Variants in ANKS1B observed in about 807,000 individuals in gnomAD.
ANKS1B encodes ankyrin repeat and sterile alpha motif domain containing 1B.
ANKS1B carries 36 observed loss-of-function variants against 148.3 expected under a neutral mutation model. That is an observed-to-expected ratio of 0.24 (90% CI 0.19 to 0.32). The LOEUF (loss-of-function observed/expected upper bound fraction) is 0.32. ANKS1B is among the 10% of genes least tolerant of loss of function. The pLI is 1.00. For missense variants in ANKS1B, 1,157 were observed against 1,542.6 expected, an observed-to-expected ratio of 0.75 and a Z score of 4.19; for synonymous variants, 542 against 560.8, an observed-to-expected ratio of 0.97 and a Z score of 0.47.
rs560222594 is a variant in ANKS1B, at chr12:99,520,438, C to T, written c.1273-15797G>A. On this transcript the variant is annotated intron_variant, in intron 9 of 26. Coordinates refer to ENST00000683438, the MANE Select transcript of ANKS1B (RefSeq NM_001352186.2). The stretch of plus-strand genomic sequence containing the variant: ...CAGGTTTCTACTAAAAAGTCTGCTG[C>T]CAAACATATTGGAGCTGTTATTTGT... Among the ~76,000 whole-genome samples the T allele has an allele frequency of 2.6e-5, 4 of 152,286 alleles. No individual in the cohort carries two copies. In the East Asian group the frequency reaches 7.7e-4, roughly 29 times the overall value.
intron 9 of ANKS1B, among the ~76,000 whole-genome samples, chr12:99,533,186 G>T (rs539488194): frequency 6.6e-6 from 1 of 152,232 alleles, no homozygotes; most frequent in Non-Finnish European, 1.5e-5. Flanking sequence ...ATTTGTTTGT[G>T]TCATCTATGA....
rs202190023 is a variant in ANKS1B at position 99,606,567 on chromosome 12, AAAG to A, written c.1272+48497_1272+48499del. On this transcript the variant is annotated intron_variant, in intron 9 of 26. Transcript: ENST00000683438. ...TATTTAGCTTCTCTATATCTTATAA[AAAG>A]AAGACGCCAAAGTACATAAACTTAT... is the stretch of plus-strand genomic sequence containing the variant. Among the ~76,000 whole-genome samples the A allele has an allele frequency of 1.4e-4, 21 of 151,376 alleles. No individual in the cohort carries two copies. The East Asian group carries it at 3.7e-3, about 27-fold the overall frequency.
chr12:98,823,165 T>C (rs1399896910), intron 19 of ANKS1B, among the ~76,000 whole-genome samples: 1 of 152,218 alleles, frequency 6.6e-6, no homozygotes, highest in East Asian at 1.9e-4. Context: ...ACAGATATCA[T>C]CAACATTCCA....
Position 99,891,806 on chromosome 12 carries a change from C to A in ANKS1B, c.135-66417G>T, listed in dbSNP as rs12580783. Among the ~76,000 whole-genome samples, 252 of 152,196 alleles carry A rather than the reference C, an allele frequency of 1.7e-3. 8 individuals carry two copies. In the East Asian group the frequency reaches 0.04, roughly 24 times the overall value. ...TGCAGTTATGCTTTTAGAAAAAAAT[C>A]TTTACCTTTTAATGTGACACACTGA... On this transcript the variant is annotated intron_variant, in intron 1 of 26. Transcript: ENST00000683438.
At chr12:99,095,264 C>T (rs2055582142) in intron 15 of ANKS1B, among the ~76,000 whole-genome samples, 1 of 152,164 alleles carries the variant, frequency 6.6e-6, no homozygotes, top group Non-Finnish European at 1.5e-5. Flanking sequence ...CCTCTCACTA[C>T]CTCCCACTGC....
intron 14 of ANKS1B, among the ~76,000 whole-genome samples, chr12:99,226,774 A>G (rs553445877): frequency 6.6e-6 from 1 of 152,312 alleles, no homozygotes; most frequent in African/African-American, 2.4e-5. Context: ...TGTACCGTCA[A>G]TAAAACAAAT....
chr12:99,143,811 C>T (rs1045490001), intron 15 of ANKS1B, among the ~76,000 whole-genome samples: 4 of 152,008 alleles, frequency 2.6e-5, no homozygotes, highest in African/African-American at 9.7e-5. Context: ...GTTGATACTC[C>T]TCTGAATCAT....
intron 17 of ANKS1B, among the ~76,000 whole-genome samples, chr12:98,917,120 C>T (rs117362401): frequency 0.011 from 1,668 of 152,072 alleles, 17 homozygotes; most frequent in Non-Finnish European, 0.019. Context: ...ACCACCATGC[C>T]CAGTTAATTT....
intron 12 of ANKS1B, among the ~76,000 whole-genome samples, chr12:99,334,287 C>A (rs1245601412): frequency 1.3e-5 from 2 of 151,954 alleles, no homozygotes; most frequent in South Asian, 2.1e-4. Flanking sequence ...TGGCTTCATT[C>A]TTTCTAATTC....
chr12:98,752,649 A>G (rs2098124956), intron 25 of ANKS1B, among the ~76,000 whole-genome samples: 1 of 152,182 alleles, frequency 6.6e-6, no homozygotes, highest in South Asian at 2.1e-4. Context: ...TCTTGCTTAC[A>G]GATCCCCAGT....
At chr12:99,663,673 C>T (rs567709037) in intron 8 of ANKS1B, among the ~76,000 whole-genome samples, 12 of 151,728 alleles carry the variant, frequency 7.9e-5, no homozygotes, top group African/African-American at 2.4e-4. Flanking sequence ...TCTGAAATGA[C>T]GTTACTATGT....
intron 14 of ANKS1B, among the ~76,000 whole-genome samples, chr12:99,204,664 G>A (rs1291186432): frequency 3.9e-5 from 6 of 152,194 alleles, no homozygotes; most frequent in Admixed American, 2.6e-4. Flanking sequence ...TGGGCTGCAT[G>A]TCTGTTTTGA....
At chr12:99,086,392 G>A (rs17029043) in intron 15 of ANKS1B, among the ~76,000 whole-genome samples, 1 of 152,138 alleles carries the variant, frequency 6.6e-6, no homozygotes, top group Admixed American at 6.6e-5. Flanking sequence ...AGGAGCAAAC[G>A]GTAAGGCTGA....
intron 14 of ANKS1B, among the ~76,000 whole-genome samples, chr12:99,158,921 G>A (rs775297084): frequency 6.6e-6 from 1 of 152,152 alleles, no homozygotes; most frequent in Non-Finnish European, 1.5e-5. Context: ...AGCTGTAGAG[G>A]TTCAATTCCT....
At chr12:99,226,504 T>C (rs942313452) in intron 14 of ANKS1B, among the ~76,000 whole-genome samples, 2 of 152,222 alleles carry the variant, frequency 1.3e-5, no homozygotes, top group Non-Finnish European at 2.9e-5. Flanking sequence ...AATCAATGTG[T>C]ATATTGTCTA....
intron 11 of ANKS1B, among the ~76,000 whole-genome samples, chr12:99,416,790 C>T (rs2094922813): frequency 6.6e-6 from 1 of 152,250 alleles, no homozygotes; most frequent in East Asian, 1.9e-4. Context: ...CCAGTATGTA[C>T]CTTGTCTTCT....
chr12:98,959,037 G>A (rs1174174101), intron 17 of ANKS1B, among the ~76,000 whole-genome samples: 1 of 152,140 alleles, frequency 6.6e-6, no homozygotes, highest in Non-Finnish European at 1.5e-5. Context: ...AATATGGAAA[G>A]GGATGGTACA....
chr12:99,505,456 T>G (rs750697522), intron 9 of ANKS1B, among the ~76,000 whole-genome samples: 58 of 151,898 alleles, frequency 3.8e-4, no homozygotes, highest in South Asian at 8.3e-4. Flanking sequence ...TCTTTTCAGG[T>G]TAGGATAAAA....
At chr12:98,791,176 C>G (rs1056127006) in intron 22 of ANKS1B, among the ~76,000 whole-genome samples, 1 of 152,072 alleles carries the variant, frequency 6.6e-6, no homozygotes, top group African/African-American at 2.4e-5. Context: ...GAAACCCTGT[C>G]TCTACTAAAA....
Sources: gnomAD v4.1 joint callset for allele counts (sites outside exome capture counted in the v4.1 genomes callset) on GRCh38, gnomAD v4.1.1 for gene constraint, MANE v1.5 for transcripts, NCBI Gene and HGNC (gene_info 2026-07-23, HGNC 2026-07-21) for gene names.